Variants in STXBP5 observed in about 807,000 individuals in gnomAD.
STXBP5 encodes syntaxin-binding protein 5.
STXBP5 carries 50 observed loss-of-function variants against 152.4 expected under a neutral mutation model. That is an observed-to-expected ratio of 0.33 (90% CI 0.26 to 0.42). The LOEUF is 0.42. Among genes scored for constraint, STXBP5 ranks in the 10% least tolerant of loss-of-function variants. The pLI is 1.00. For synonymous variants in STXBP5, 492 were observed against 494.7 expected (o/e 0.99, Z 0.07); for missense variants, 1,167 against 1,388.6 (o/e 0.84, Z 2.54).
intron 7 of STXBP5, among the ~76,000 whole-genome samples, chr6:147,275,082 A>G (rs1197170954): frequency 6.6e-6 from 1 of 152,186 alleles, no homozygotes; most frequent in African/African-American, 2.4e-5. Flanking sequence ...TTATTCTACA[A>G]GATGCTGTCT....
chr6:147,382,552 A>G (rs1291825079), intron 26 of STXBP5, among the ~76,000 whole-genome samples: 1 of 152,162 alleles, frequency 6.6e-6, no homozygotes, highest in Non-Finnish European at 1.5e-5. Context: ...ATGAACTAGT[A>G]TAGAATATTT....
rs1361688423 is a variant in STXBP5, at chr6:147,388,291, A to C, written c.*3536A>C. ...TAAACTGATCAGTTTTAAAACCTTT[A>C]ATAGGGTTTTATATAGATTTAAAAA... On this transcript the variant is annotated 3_prime_UTR_variant, in exon 28 of 28. Transcript: ENST00000321680. 6.6e-6 allele frequency: 1 copy of C among 151,718 alleles called. No homozygotes were observed. The highest frequency in any genetic ancestry group is 1.5e-5 in the Non-Finnish European group (1 of 67,728). The allele number at this position is 151,718 out of a possible 1,614,324, so 9.4% of individuals were successfully genotyped here.
chr6:147,372,437 T>C lies in STXBP5; in HGVS notation c.3082-1294T>C, dbSNP rs1562275025. Among the ~76,000 whole-genome samples the C allele has an allele frequency of 3.0e-4, 23 of 76,072 alleles. 1 individual carries two copies. Among genetic ancestry groups the C allele is most frequent in the African/African-American group, 1.6e-3 (22 of 13,806 alleles). The allele number at this position is 76,072 out of a possible 152,430, so 49.9% of individuals were successfully genotyped here. ...TTTTTTTTTTTTTTTTTTTTTTTTTTTTTTTTTTTTTTTTTTTTTTTGAGA... is the reference window on the plus strand; with the variant it reads ...TTTTTTTTTTTTTTTTTTTTTTTTTCTTTTTTTTTTTTTTTTTTTTTGAGA... On this transcript the variant is annotated intron_variant, in intron 25 of 27. Coordinates refer to ENST00000321680, the MANE Select transcript of STXBP5 (RefSeq NM_001127715.4).
At position 147,208,455 on chromosome 6, in the gene STXBP5, G is replaced by A. The variant is rs140567557; in HGVS notation, c.248+2387G>A. Among the ~76,000 whole-genome samples the A allele has an allele frequency of 3.5e-3, 539 of 152,130 alleles. 1 individual carries two copies. The highest frequency in any genetic ancestry group is 0.012 in the African/African-American group (511 of 41,528). ...TTTTGAAACTGGACACCTAAATTCC[G>A]AATCTCCACATTTGGTTAACGTGCA... On this transcript the variant is annotated intron_variant, in intron 2 of 27. Coordinates refer to ENST00000321680, the MANE Select transcript of STXBP5 (RefSeq NM_001127715.4).
Position 147,325,100 on chromosome 6 carries a change from GT to G in STXBP5, c.1928+23del. 4.1e-6 allele frequency: 6 copies of G among 1,480,352 alleles called. No individual in the cohort carries two copies. Among genetic ancestry groups the G allele is most frequent in the South Asian group, 2.8e-5 (2 of 70,524 alleles). The allele number at this position is 1,480,352 out of a possible 1,614,324, so 91.7% of individuals were successfully genotyped here. ...CCTATGGACTGTAAGTATAAGTTAC[GT>G]TTTTTTCTAAGTCTCTTCATAGTAT... On this transcript the variant is annotated intron_variant, in intron 17 of 27. Transcript: ENST00000321680.
At chr6:147,318,384 GT>G (rs1167692667) in intron 16 of STXBP5, among the ~76,000 whole-genome samples, 1 of 152,074 alleles carries the variant, frequency 6.6e-6, no homozygotes, top group African/African-American at 2.4e-5. Context: ...AAGGATAATA[GT>G]TAAGGCAGCA....
At chr6:147,277,695 A>T (rs927707529) in intron 7 of STXBP5, among the ~76,000 whole-genome samples, 2 of 152,102 alleles carry the variant, frequency 1.3e-5, no homozygotes, top group African/African-American at 4.8e-5. Context: ...AACACATTTT[A>T]TTCTAATCTT....
intron 8 of STXBP5, among the ~76,000 whole-genome samples, chr6:147,284,800 A>G (rs946594177): frequency 1.3e-5 from 2 of 152,270 alleles, no homozygotes; most frequent in Non-Finnish European, 2.9e-5. Flanking sequence ...AACCATGTAC[A>G]GAGGCAAGAT....
intron 2 of STXBP5, among the ~76,000 whole-genome samples, chr6:147,228,515 G>A (rs1024954006): frequency 5.3e-5 from 8 of 151,952 alleles, no homozygotes; most frequent in African/African-American, 1.9e-4. Flanking sequence ...AAGGACCCAT[G>A]TTCATTAGAA....
At chr6:147,256,687 G>A (rs947300921) in intron 4 of STXBP5, among the ~76,000 whole-genome samples, 17 of 152,290 alleles carry the variant, frequency 1.1e-4, no homozygotes, top group African/African-American at 4.1e-4. Context: ...TTTAAATTAG[G>A]CTCAGGCCGT....
intron 9 of STXBP5, among the ~76,000 whole-genome samples, chr6:147,295,228 C>G (rs1392205550): frequency 6.6e-6 from 1 of 152,076 alleles, no homozygotes; most frequent in Non-Finnish European, 1.5e-5. Flanking sequence ...GCCAGATTTT[C>G]AACAAGAAAC....
At chr6:147,250,444 A>G (rs1779026875) in intron 4 of STXBP5, among the ~76,000 whole-genome samples, 1 of 152,198 alleles carries the variant, frequency 6.6e-6, no homozygotes, top group South Asian at 2.1e-4. Context: ...TTGCACTTAC[A>G]TTGTATTGGC....
chr6:147,216,099 T>A (rs1037008341), intron 2 of STXBP5, among the ~76,000 whole-genome samples: 3 of 152,148 alleles, frequency 2.0e-5, no homozygotes, highest in African/African-American at 4.8e-5. Context: ...ATGTATTTTT[T>A]AAAAATTCAT....
In STXBP5 at chr6:147,265,476, G is replaced by A. The variant is rs56738161; in HGVS notation, c.631-1608G>A. ...ATATTAGAGACATATAGATGAAAATGCATGGTACTAGTTTAAGAAAAGGAG... is the reference window on the plus strand; with the variant it reads ...ATATTAGAGACATATAGATGAAAATACATGGTACTAGTTTAAGAAAAGGAG... On this transcript the variant is annotated intron_variant, in intron 6 of 27. Transcript: ENST00000321680. Among the ~76,000 whole-genome samples the A allele has an allele frequency of 7.9e-3, 1,206 of 152,216 alleles. 20 individuals carry two copies. Among genetic ancestry groups the A allele is most frequent in the African/African-American group, 0.028 (1,154 of 41,524 alleles).
chr6:147,238,297 G>C (rs1242730675), intron 3 of STXBP5, among the ~76,000 whole-genome samples: 1 of 152,182 alleles, frequency 6.6e-6, no homozygotes, highest in Non-Finnish European at 1.5e-5. Context: ...GGAGAGCAAA[G>C]AGGTCAGCCT....
At chr6:147,336,199 T>G (rs1333760802) in intron 19 of STXBP5, among the ~76,000 whole-genome samples, 1 of 152,184 alleles carries the variant, frequency 6.6e-6, no homozygotes, top group African/African-American at 2.4e-5. Context: ...TAGCAGGAGA[T>G]AGCAGTTATG....
intron 2 of STXBP5, among the ~76,000 whole-genome samples, chr6:147,214,694 G>A (rs1777069918): frequency 6.6e-6 from 1 of 152,092 alleles, no homozygotes; most frequent in South Asian, 2.1e-4. Flanking sequence ...GACATTAAAT[G>A]TCTAAAAATA....
At chr6:147,250,969 C>CAA (rs887963991) in intron 4 of STXBP5, among the ~76,000 whole-genome samples, 130 of 52,674 alleles carry the variant, frequency 2.5e-3, no homozygotes, top group East Asian at 0.012. Context: ...ACCTTGTCTC[C>CAA]AAAAAAAAAA....
chr6:147,212,604 G>A (rs752595846), intron 2 of STXBP5, among the ~76,000 whole-genome samples: 1 of 152,118 alleles, frequency 6.6e-6, no homozygotes, highest in African/African-American at 2.4e-5. Context: ...GGAATTCTTT[G>A]GACTGTGTTC....
Sources: gnomAD v4.1 joint callset for allele counts (sites outside exome capture counted in the v4.1 genomes callset) on GRCh38, gnomAD v4.1.1 for gene constraint, MANE v1.5 for transcripts, NCBI Gene and HGNC (gene_info 2026-07-23, HGNC 2026-07-21) for gene names.